Variants in NCKAP5 observed in about 807,000 individuals in gnomAD.
The protein encoded by NCKAP5 is NCK associated protein 5.
Under a neutral mutation model 167.0 loss-of-function variants are expected in NCKAP5, and 92 were observed. The ratio of observed to expected loss-of-function variants is 0.55; its 90% CI spans 0.47 to 0.66. NCKAP5 has a LOEUF of 0.66. NCKAP5 is among the 30% of genes least tolerant of loss of function. The pLI is 0.00. For synonymous variants in NCKAP5, 891 were observed against 877.4 expected, an observed-to-expected ratio of 1.02 and a Z score of -0.27; for missense variants, 2,378 against 2,315.0, an observed-to-expected ratio of 1.03 and a Z score of -0.56.
chr2:133,533,774 C>T (rs1685543072), intron 2 of NCKAP5, among the ~76,000 whole-genome samples: 1 of 152,132 alleles, frequency 6.6e-6, no homozygotes, highest in African/African-American at 2.4e-5. Context: ...ACTTGGGTTA[C>T]TGAATAATTT....
intron 6 of NCKAP5, among the ~76,000 whole-genome samples, chr2:133,005,659 A>C (rs1418518035): frequency 6.6e-6 from 1 of 152,238 alleles, no homozygotes; most frequent in Non-Finnish European, 1.5e-5. Flanking sequence ...TACTTTAAAA[A>C]TAAATCTATT....
chr2:132,869,491 T>C (rs1690625795), intron 9 of NCKAP5, among the ~76,000 whole-genome samples: 1 of 152,190 alleles, frequency 6.6e-6, no homozygotes, highest in Non-Finnish European at 1.5e-5. Flanking sequence ...TGTTTTTGCT[T>C]AAGTCACGCT....
chr2:133,399,225 G>A (rs1191004930), intron 3 of NCKAP5, among the ~76,000 whole-genome samples: 2 of 152,062 alleles, frequency 1.3e-5, no homozygotes, highest in South Asian at 2.1e-4. Flanking sequence ...CCAGGAAGAG[G>A]AAGAGGCAGG....
chr2:132,837,206 T>C (rs1297490212), intron 11 of NCKAP5, among the ~76,000 whole-genome samples: 1 of 152,192 alleles, frequency 6.6e-6, no homozygotes, highest in Non-Finnish European at 1.5e-5. Flanking sequence ...TTCCCCCATG[T>C]GTTCTAAAGC....
intron 4 of NCKAP5, among the ~76,000 whole-genome samples, chr2:133,276,164 ACTTC>A (rs1312682271): frequency 6.6e-6 from 1 of 152,114 alleles, no homozygotes; most frequent in African/African-American, 2.4e-5. Flanking sequence ...TCTTAATAGT[ACTTC>A]CTTTTCTCTA....
chr2:133,135,301 G>A (rs780745379), intron 5 of NCKAP5, among the ~76,000 whole-genome samples: 1 of 152,268 alleles, frequency 6.6e-6, no homozygotes, highest in South Asian at 2.1e-4. Context: ...CAGAGGGAGA[G>A]GCAAGTGCAA....
chr2:132,964,953 T>A (rs60764007), intron 7 of NCKAP5, among the ~76,000 whole-genome samples: 25,758 of 152,132 alleles, frequency 0.17, 2,824 homozygotes, highest in East Asian at 0.47. Context: ...TCCAAAAATA[T>A]TTAAGTTACT....
chr2:132,725,802 CAAA>C (rs772811708), intron 18 of NCKAP5, 43 bp from the exon 19 acceptor site: 105 of 1,596,696 alleles, frequency 6.6e-5, no homozygotes, highest in Admixed American at 2.1e-4. Flanking sequence ...TCATACAAAT[CAAA>C]ATGAGGCAGA....
At chr2:133,204,949 G>A (rs1007898687) in intron 5 of NCKAP5, among the ~76,000 whole-genome samples, 5 of 151,904 alleles carry the variant, frequency 3.3e-5, no homozygotes, top group African/African-American at 1.2e-4. Flanking sequence ...ATTTACTTTT[G>A]GCCATGGTGT....
chr2:133,535,410 T>C (rs994761642), intron 2 of NCKAP5, among the ~76,000 whole-genome samples: 1 of 152,192 alleles, frequency 6.6e-6, no homozygotes, highest in African/African-American at 2.4e-5. Flanking sequence ...TATTTTTGAG[T>C]TATTTCACTT....
chr2:133,328,094 G>T (rs1007038103), intron 3 of NCKAP5, among the ~76,000 whole-genome samples: 2 of 152,172 alleles, frequency 1.3e-5, no homozygotes, highest in East Asian at 3.9e-4. Flanking sequence ...CAAGTTACCC[G>T]ATTGGTAGAA....
At chr2:133,448,575 G>A (rs1446343289) in intron 3 of NCKAP5, among the ~76,000 whole-genome samples, 2 of 152,212 alleles carry the variant, frequency 1.3e-5, no homozygotes, top group Non-Finnish European at 1.5e-5. Flanking sequence ...GCATGGTTGA[G>A]CAGTATTTTT....
chr2:132,988,335 G>C (rs935527654), intron 7 of NCKAP5, among the ~76,000 whole-genome samples: 2 of 151,866 alleles, frequency 1.3e-5, no homozygotes. Flanking sequence ...GGTGGCACAC[G>C]ACTGTAGGCC....
At chr2:132,835,326 G>T (rs1219564872) in intron 11 of NCKAP5, among the ~76,000 whole-genome samples, 2 of 152,084 alleles carry the variant, frequency 1.3e-5, no homozygotes, top group African/African-American at 4.8e-5. Flanking sequence ...GATGATACAA[G>T]CCTCATAGAA....
At chr2:132,739,084 GA>G (rs1160040903) in intron 16 of NCKAP5, among the ~76,000 whole-genome samples, 2 of 152,034 alleles carry the variant, frequency 1.3e-5, no homozygotes, top group African/African-American at 4.8e-5. Flanking sequence ...TAGCTGCAAA[GA>G]AAAAAAGTTG....
At chr2:133,588,794 G>A in the NCKAP5 span, among the ~76,000 whole-genome samples, 26,946 of 152,178 alleles carry the variant, frequency 0.18, 2,481 homozygotes, top group East Asian at 0.3. Flanking sequence ...GGACATTTAA[G>A]TAGACTTGAA....
chr2:132,768,702 C>T lies in NCKAP5; in HGVS notation c.5128+5114G>A, dbSNP rs544157727. ...TCACCCAGGCTGGAGTGCAGTGGCGCGATCTCGGCTCACCACAAGCTCCGC... is the reference window on the plus strand; with the variant it reads ...TCACCCAGGCTGGAGTGCAGTGGCGTGATCTCGGCTCACCACAAGCTCCGC... On this transcript the variant is annotated intron_variant, in intron 16 of 19. Coordinates refer to ENST00000409261, the MANE Select transcript of NCKAP5 (RefSeq NM_207363.3). 1.0e-4 allele frequency among the ~76,000 whole-genome samples: 15 copies of T among 143,814 alleles called. 1 individual carries two copies. Among genetic ancestry groups the T allele is most frequent in the South Asian group, 4.4e-4 (2 of 4,508 alleles). 94.3% of individuals were successfully genotyped at this position (143,814 alleles called of 152,430 possible). A position where few individuals can be genotyped will look rare whatever the true frequency, so the allele number is the denominator to read the frequency against.
intron 16 of NCKAP5, among the ~76,000 whole-genome samples, chr2:132,753,684 G>A (rs1366559554): frequency 6.6e-6 from 1 of 152,198 alleles, no homozygotes; most frequent in African/African-American, 2.4e-5. Flanking sequence ...GAAAGCAAGG[G>A]TTTTGAGGGA....
the NCKAP5 span, among the ~76,000 whole-genome samples, chr2:133,587,909 C>G: frequency 2.0e-5 from 3 of 152,256 alleles, no homozygotes; most frequent in East Asian, 5.8e-4. Flanking sequence ...CAAGACTTTC[C>G]AGTTTCTCTA....
Sources: allele counts gnomAD v4.1 joint callset (sites outside exome capture counted in the v4.1 genomes callset), GRCh38; gene constraint gnomAD v4.1.1; transcripts MANE v1.5; gene names NCBI Gene and HGNC (gene_info 2026-07-23, HGNC 2026-07-21).